The following CYTH4 variants were observed in gnomAD, a reference collection of about 807,000 sequenced individuals.
The protein encoded by CYTH4 is cytohesin 4.
A neutral mutation model predicts 57.5 loss-of-function variants in CYTH4; 22 were observed. The ratio of observed to expected loss-of-function variants is 0.38; its 90% CI spans 0.27 to 0.55. The LOEUF (loss-of-function observed/expected upper bound fraction) is 0.55, where lower values mean the gene tolerates loss of function less well. Ranked by LOEUF, CYTH4 falls within the 20% of genes least tolerant of loss-of-function variation. The pLI is 0.74. For synonymous variants in CYTH4, 186 were observed against 206.5 expected (o/e 0.90, Z 0.85); for missense variants, 420 against 535.6 (o/e 0.78, Z 2.13).
intron 8 of CYTH4, chr22:37,304,288 T>C: frequency 2.2e-6 from 1 of 456,252 alleles, no homozygotes; most frequent in Non-Finnish European, 4.4e-6. Flanking sequence ...GTGGCCGAGG[T>C]GTGGTATATA....
Position 37,313,449 on chromosome 22 carries a change from A to C in CYTH4, c.1123A>C (p.Thr375Pro), listed in dbSNP as rs755539921. 3.0e-5 allele frequency: 49 copies of C among 1,613,930 alleles called. No homozygotes were observed. Among genetic ancestry groups the C allele is most frequent in the Non-Finnish European group, 3.6e-5 (42 of 1,179,972 alleles). ...QWIESIRASI[T>P]RVPFYDLVST... ...TCCCACTCATTCTAGAGCCAGCATC[A>C]CCCGTGTCCCCTTCTACGACCTGGT... Residue 375 changes from threonine to proline, a missense_variant, in exon 13 of 13, where the codon ACC becomes CCC. By Grantham distance (38) the Thr-to-Pro change is conservative. Coordinates refer to ENST00000248901, the MANE Select transcript of CYTH4 (RefSeq NM_013385.5).
At chr22:37,312,445 C>T (rs1269582425) in intron 12 of CYTH4, among the ~76,000 whole-genome samples, 2 of 152,248 alleles carry the variant, frequency 1.3e-5, no homozygotes, top group Non-Finnish European at 2.9e-5. Flanking sequence ...TTGCCCCGCC[C>T]TTGCCTGGCA....
chr22:37,293,487 G>A (rs1928825453), intron 2 of CYTH4, among the ~76,000 whole-genome samples: 1 of 152,230 alleles, frequency 6.6e-6, no homozygotes, highest in African/African-American at 2.4e-5. Context: ...GCTGGGTGCA[G>A]CATTAATAGG....
intron 1 of CYTH4, among the ~76,000 whole-genome samples, chr22:37,290,153 C>T (rs1377668868): frequency 6.6e-6 from 1 of 152,094 alleles, no homozygotes; most frequent in East Asian, 1.9e-4. Flanking sequence ...TCAAGCAGAC[C>T]CCTAGTGAGC....
At chr22:37,289,772 T>C (rs1427796889) in intron 1 of CYTH4, among the ~76,000 whole-genome samples, 1 of 152,232 alleles carries the variant, frequency 6.6e-6, no homozygotes, top group Admixed American at 6.5e-5. Context: ...GCTGGCACTC[T>C]ATCTCTACCA....
At position 37,308,091 on chromosome 22, in the gene CYTH4, G is replaced by A. The variant is rs1929467102; in HGVS notation, c.697-1121G>A. On this transcript the variant is annotated intron_variant, in intron 8 of 12. Transcript: ENST00000248901. ...CCAGCATAGGTCTGCTTAGGAGAGG[G>A]GCTTTTGAGAGCCACAGCCAGCATC... 2.6e-5 allele frequency among the ~76,000 whole-genome samples: 4 copies of A among 152,224 alleles called. No individual in the cohort carries two copies. In the South Asian group the frequency reaches 8.3e-4, roughly 31 times the overall value.
At chr22:37,308,792 G>C (rs938835359) in intron 8 of CYTH4, among the ~76,000 whole-genome samples, 2 of 150,968 alleles carry the variant, frequency 1.3e-5, no homozygotes, top group African/African-American at 4.9e-5. Flanking sequence ...GTATGTGTGT[G>C]AACATGCATG....
At chr22:37,289,381 A>T (rs1410849956) in intron 1 of CYTH4, among the ~76,000 whole-genome samples, 2 of 152,186 alleles carry the variant, frequency 1.3e-5, no homozygotes, top group Admixed American at 6.5e-5. Context: ...CCCTGGGAGG[A>T]CTTGCCCTCA....
At chr22:37,296,352 T>C (rs1601702085) in intron 4 of CYTH4, 1 of 441,502 alleles carries the variant, frequency 2.3e-6, no homozygotes, top group East Asian at 4.5e-5. Flanking sequence ...TCCATTTCCT[T>C]CTCCATGAAT....
At chr22:37,304,196 A>T (rs1929309082) in intron 8 of CYTH4, 1 of 456,524 alleles carries the variant, frequency 2.2e-6, no homozygotes, top group Non-Finnish European at 4.4e-6. Context: ...CTCCCAGAGG[A>T]GAAGCCGGGA....
chr22:37,294,377 G>A (rs1044500313), intron 2 of CYTH4, among the ~76,000 whole-genome samples: 7 of 152,084 alleles, frequency 4.6e-5, no homozygotes, highest in Non-Finnish European at 8.8e-5. Context: ...AAAAAGGATG[G>A]GCAAGGGATG....
At chr22:37,305,672 T>G (rs1929368225) in intron 8 of CYTH4, among the ~76,000 whole-genome samples, 1 of 152,228 alleles carries the variant, frequency 6.6e-6, no homozygotes, top group Non-Finnish European at 1.5e-5. Context: ...AAGCAAGGAT[T>G]CAGCTTTAAG....
chr22:37,290,436 G>A (rs929698933), intron 1 of CYTH4, among the ~76,000 whole-genome samples: 1 of 152,150 alleles, frequency 6.6e-6, no homozygotes, highest in African/African-American at 2.4e-5. Flanking sequence ...CTTCAGTCCC[G>A]ACGTTCTGTA....
rs558692610 is a variant in CYTH4 at position 37,298,773 on chromosome 22, G to T, written c.354-453G>T. ...CCCAAGGACACCCCTCCCTCCCGCGGTGAGCAGGGGATGCAGACGGTGAGA... is the reference window on the plus strand; with the variant it reads ...CCCAAGGACACCCCTCCCTCCCGCGTTGAGCAGGGGATGCAGACGGTGAGA... On this transcript the variant is annotated intron_variant, in intron 5 of 12. Coordinates refer to ENST00000248901, the MANE Select transcript of CYTH4 (RefSeq NM_013385.5). The surrounding 1 kb of genome is among the most constrained non-coding windows in gnomAD (Gnocchi z 4.1). 6.6e-6 allele frequency among the ~76,000 whole-genome samples: 1 copy of T among 152,252 alleles called. No individual in the cohort carries two copies. The highest frequency in any genetic ancestry group is 1.5e-5 in the Non-Finnish European group (1 of 67,998).
Position 37,296,060 on chromosome 22 carries a change from G to A in CYTH4, c.229G>A (p.Ala77Thr), listed in dbSNP as rs752640973. ...GCGCAAGAAGTTCAACATGGACCCC[G>A]CCAAGGTAGGTGGCTGTGGAGGGCC... The part of the protein sequence containing the change: ...IGRKKFNMDP[A>T]KGIQYFIEHK... The change falls in exon 4 of 13, where the codon GCC becomes ACC. Residue 77 changes from alanine (A) to threonine (T), a missense_variant. Ala to Thr is a moderately conservative substitution (Grantham distance 58). Transcript: ENST00000248901. 1.1e-5 allele frequency: 18 copies of A among 1,612,246 alleles called. No individual in the cohort carries two copies. Among genetic ancestry groups the A allele is most frequent in the African/African-American group, 2.7e-5 (2 of 74,908 alleles).
chr22:37,285,570 G>A (rs1024881128), intron 1 of CYTH4, among the ~76,000 whole-genome samples: 1 of 151,980 alleles, frequency 6.6e-6, no homozygotes, highest in Admixed American at 6.6e-5. Context: ...AATTAGCCGG[G>A]CCTGGTGGTG....
chr22:37,308,640 A>G (rs1436417365), intron 8 of CYTH4, among the ~76,000 whole-genome samples: 1 of 149,290 alleles, frequency 6.7e-6, no homozygotes, highest in Non-Finnish European at 1.5e-5. Context: ...CTGTGTGAGT[A>G]TGCATGTATG....
At chr22:37,304,106 G>A (rs983940357) in intron 8 of CYTH4, 26 of 449,970 alleles carry the variant, frequency 5.8e-5, no homozygotes, top group African/African-American at 5.2e-4. Flanking sequence ...ATTGCTCTGG[G>A]GGCAGGGAAG....
At chr22:37,309,937 C>A in intron 9 of CYTH4, 3 of 453,290 alleles carry the variant, frequency 6.6e-6, no homozygotes, top group Middle Eastern at 5.3e-4. Flanking sequence ...AGCAGGGCAA[C>A]CCCAGTGCCC....
Sources: gnomAD v4.1 joint callset for allele counts (sites outside exome capture counted in the v4.1 genomes callset) on GRCh38, gnomAD v4.1.1 for gene constraint, Gnocchi (gnomAD v3.1) non-coding constraint, MANE v1.5 for transcripts, NCBI Gene and HGNC (gene_info 2026-07-23, HGNC 2026-07-21) for gene names.